The following LHX6 variants were observed in gnomAD, a reference collection of about 807,000 sequenced individuals.
LHX6 encodes LIM homeobox 6.
In LHX6, 15 loss-of-function variants were observed where a neutral mutation model predicts 47.1. The observed-to-expected ratio is 0.32, with a 90% CI of 0.21 to 0.49. The LOEUF (loss-of-function observed/expected upper bound fraction) is 0.49, where lower values mean the gene tolerates loss of function less well. LHX6 is among the 20% of genes least tolerant of loss of function. LHX6 has a pLI of 0.99. For missense variants in LHX6, 404 were observed against 539.6 expected (o/e 0.75, Z 2.49); for synonymous variants, 242 against 233.5 (o/e 1.04, Z -0.33).
At chr9:122,224,540 C>A (rs1831010892) in intron 4 of LHX6, among the ~76,000 whole-genome samples, 1 of 148,838 alleles carries the variant, frequency 6.7e-6, no homozygotes, top group Non-Finnish European at 1.5e-5. Flanking sequence ...CTTATCACCC[C>A]CTTCATCCCT....
intron 4 of LHX6, among the ~76,000 whole-genome samples, chr9:122,220,665 T>C (rs1265764125): frequency 1.3e-5 from 2 of 152,348 alleles, no homozygotes; most frequent in East Asian, 1.9e-4. Context: ...CTTGCGTCCC[T>C]GGATCCCGGC....
Position 122,226,293 on chromosome 9 carries a change from A to G in LHX6, c.461+83T>C. Reference sequence around the variant, plus strand: ...TCGGGACGCCGGGGTTCTGGAGGAGAGACCACACGCCGCAAAAGTGGCCTC... The same window carrying G: ...TCGGGACGCCGGGGTTCTGGAGGAGGGACCACACGCCGCAAAAGTGGCCTC... On this transcript the variant is annotated intron_variant, in intron 4 of 9. Coordinates refer to ENST00000394319, the MANE Select transcript of LHX6 (RefSeq NM_014368.5). The surrounding 1 kb of genome is among the most constrained non-coding windows in gnomAD (Gnocchi z 6.5). 6.6e-7 allele frequency: 1 copy of G among 1,508,560 alleles called. No homozygotes were observed. The allele number at this position is 1,508,560 out of a possible 1,614,324, so 93.4% of individuals were successfully genotyped here. A position where few individuals can be genotyped will look rare whatever the true frequency, so the allele number is the denominator to read the frequency against.
rs377581457 is a variant in LHX6 at position 122,204,705 on chromosome 9, C to T, written c.*55G>A. 6.9e-5 allele frequency: 109 copies of T among 1,588,992 alleles called. 1 individual carries two copies. Among genetic ancestry groups the T allele is most frequent in the Non-Finnish European group, 8.3e-5 (97 of 1,167,376 alleles). ...CCGCAGCTTGGACACTGGATCTCAG[C>T]GGCTGAGGGGCAGCTGTGGGGCGCC... On this transcript the variant is annotated 3_prime_UTR_variant, in exon 10 of 10. Coordinates refer to ENST00000394319, the MANE Select transcript of LHX6 (RefSeq NM_014368.5).
At position 122,217,114 on chromosome 9, in the gene LHX6, G is replaced by C. The variant is rs771625399; in HGVS notation, c.636C>G (p.Ile212Met). The part of the protein sequence containing the change: ...GLVEEKVLCR[I>M]HYDTMIENLK... ...GGTTCTCAATCATGGTGTCGTAGTG[G>C]ATGCGGCAGAGCACCTTCTCCTCGA... The change falls in exon 5 of 10, where the codon ATC becomes ATG. Residue 212 changes from isoleucine to methionine, a missense_variant. Coordinates refer to ENST00000394319, the MANE Select transcript of LHX6 (RefSeq NM_014368.5). This position sits in a 1 kb window ranked among gnomAD's most constrained non-coding sequence, Gnocchi z 4.9. 7 of 1,614,090 alleles carry C rather than the reference G, an allele frequency of 4.3e-6. No homozygotes were observed. In the African/African-American group the frequency reaches 9.3e-5, roughly 22 times the overall value.
In LHX6 at chr9:122,226,319, C is replaced by T. The variant is rs1464082645; in HGVS notation, c.461+57G>A. The T allele has an allele frequency of 3.2e-6, 5 of 1,559,262 alleles. No individual in the cohort carries two copies. Among genetic ancestry groups the T allele is most frequent in the Non-Finnish European group, 3.5e-6 (4 of 1,152,916 alleles). The stretch of plus-strand genomic sequence containing the variant: ...GACCACACGCCGCAAAAGTGGCCTC[C>T]GAATGCGCCCGGGGCCTGCCCTCGG... On this transcript the variant is annotated intron_variant, in intron 4 of 9. Transcript: ENST00000394319. The surrounding 1 kb of genome is among the most constrained non-coding windows in gnomAD (Gnocchi z 6.5).
intron 4 of LHX6, chr9:122,221,353 G>T: frequency 1.0e-6 from 1 of 985,612 alleles, no homozygotes; most frequent in Non-Finnish European, 1.2e-6. Flanking sequence ...GCTGGCCGCC[G>T]CTGGGCCGCT....
rs765697742 is a variant in LHX6, at chr9:122,217,046, C to T, written c.682+22G>A. ...TGGGAAAGGGCTGGGGGCAGAGGTG[C>T]CAGGCGGAGCAGGTTGGGTACCGTT... On this transcript the variant is annotated intron_variant, in intron 5 of 9. Transcript: ENST00000394319. The surrounding 1 kb of genome is among the most constrained non-coding windows in gnomAD (Gnocchi z 4.9). 1.2e-6 allele frequency: 2 copies of T among 1,604,316 alleles called. No homozygotes were observed. The highest frequency in any genetic ancestry group is 1.7e-6 in the Non-Finnish European group (2 of 1,171,836).
chr9:122,228,476 G>A (rs1448905711), intron 1 of LHX6, 181 bp downstream of exon 1: 1 of 1,360,766 alleles, frequency 7.3e-7, no homozygotes, highest in East Asian at 2.9e-5. Context: ...ATGTGTTCCC[G>A]CTTTCCGCGA....
At chr9:122,208,094 T>C (rs1315853584) in intron 9 of LHX6, among the ~76,000 whole-genome samples, 1 of 152,146 alleles carries the variant, frequency 6.6e-6, no homozygotes, top group Non-Finnish European at 1.5e-5. Context: ...GTGATGTTTC[T>C]GCAGCAGGCC....
intron 1 of LHX6, 64 bp from the exon 2 acceptor site, chr9:122,227,544 G>A: frequency 6.8e-7 from 1 of 1,471,986 alleles, no homozygotes; most frequent in Non-Finnish European, 9.0e-7. Context: ...CACAGCCTGA[G>A]CCCAGCGCCT....
intron 1 of LHX6, 45 bp downstream of exon 1, chr9:122,228,612 C>T (rs2118926739): frequency 2.3e-6 from 3 of 1,321,390 alleles, no homozygotes; most frequent in Non-Finnish European, 2.9e-6. Flanking sequence ...CCGGACCCTG[C>T]CCGACCCCGG....
chr9:122,205,797 G>A (rs79617526), intron 9 of LHX6, among the ~76,000 whole-genome samples: 3,049 of 152,158 alleles, frequency 0.02, 102 homozygotes, highest in African/African-American at 0.07. Flanking sequence ...GCAACCCTAC[G>A]GAGTGGGAAC....
At chr9:122,219,003 T>C (rs1830710394) in intron 4 of LHX6, among the ~76,000 whole-genome samples, 1 of 152,046 alleles carries the variant, frequency 6.6e-6, no homozygotes, top group African/African-American at 2.4e-5. Flanking sequence ...CGGGGTTGGG[T>C]GTGGGGGACC....
Position 122,214,255 on chromosome 9 carries a change from C to A in LHX6, c.783+28G>T. 2 of 1,550,846 alleles carry A rather than the reference C, an allele frequency of 1.3e-6. No individual in the cohort carries two copies. ...CGCCCACTTTCGGCCCGGCCCCCGCCCCCGCCGCCCACTGCTTGCAGCGGT... is the reference window on the plus strand; with the variant it reads ...CGCCCACTTTCGGCCCGGCCCCCGCACCCGCCGCCCACTGCTTGCAGCGGT... On this transcript the variant is annotated intron_variant, in intron 6 of 9. Coordinates refer to ENST00000394319, the MANE Select transcript of LHX6 (RefSeq NM_014368.5). This position sits in a 1 kb window ranked among gnomAD's most constrained non-coding sequence, Gnocchi z 4.6.
chr9:122,205,597 A>G (rs985871516), intron 9 of LHX6, among the ~76,000 whole-genome samples: 1 of 152,146 alleles, frequency 6.6e-6, no homozygotes, highest in African/African-American at 2.4e-5. Flanking sequence ...GCATGACTAC[A>G]TGGCTGTTCC....
chr9:122,207,036 C>T (rs10818649), intron 9 of LHX6, among the ~76,000 whole-genome samples: 74,720 of 151,974 alleles, frequency 0.49, 18,960 homozygotes, highest in Middle Eastern at 0.57. Flanking sequence ...TGTAACTGCC[C>T]ACACCCTGTG....
intron 5 of LHX6, among the ~76,000 whole-genome samples, chr9:122,216,755 G>A (rs1409437051): frequency 6.6e-6 from 1 of 152,140 alleles, no homozygotes; most frequent in African/African-American, 2.4e-5. Context: ...ACCATCTCTA[G>A]GGTTCACTGA....
chr9:122,215,913 C>A (rs1156418009), intron 5 of LHX6, among the ~76,000 whole-genome samples: 2 of 152,080 alleles, frequency 1.3e-5, no homozygotes, highest in Non-Finnish European at 2.9e-5. Context: ...TTAATGTCCC[C>A]TAGGAAAGCA....
chr9:122,216,107 G>C (rs1830586369), intron 5 of LHX6, among the ~76,000 whole-genome samples: 1 of 152,204 alleles, frequency 6.6e-6, no homozygotes. Flanking sequence ...TTTGGAGCTA[G>C]GCAAATCTAC....
Sources: gnomAD v4.1 joint callset for allele counts (sites outside exome capture counted in the v4.1 genomes callset) on GRCh38, gnomAD v4.1.1 for gene constraint, Gnocchi (gnomAD v3.1) non-coding constraint, MANE v1.5 for transcripts, NCBI Gene and HGNC (gene_info 2026-07-23, HGNC 2026-07-21) for gene names.